TYW1: variants seen among roughly 807,000 people sequenced by gnomAD.
TYW1 encodes the protein tRNA-yW synthesizing protein 1 homolog, also known as S-adenosyl-L-methionine-dependent tRNA 4-demethylwyosine synthase TYW1.
TYW1 carries 46 observed loss-of-function variants against 96.2 expected under a neutral mutation model. The ratio of observed to expected loss-of-function variants is 0.48; its 90% CI spans 0.38 to 0.61. TYW1 has a LOEUF of 0.61. Ranked by LOEUF, TYW1 falls within the 20% of genes least tolerant of loss-of-function variation. The pLI is 0.00. For missense variants in TYW1, 684 were observed against 909.6 expected, an observed-to-expected ratio of 0.75 and a Z score of 3.19; for synonymous variants, 274 against 323.0, an observed-to-expected ratio of 0.85 and a Z score of 1.63.
At chr7:67,123,270 C>A (rs1797816616) in intron 13 of TYW1, among the ~76,000 whole-genome samples, 1 of 152,102 alleles carries the variant, frequency 6.6e-6, no homozygotes, top group Non-Finnish European at 1.5e-5. Context: ...AGGCATAGAT[C>A]CCCCAGGGCT....
At chr7:67,175,135 T>C (rs993376431) in intron 13 of TYW1, among the ~76,000 whole-genome samples, 8 of 151,928 alleles carry the variant, frequency 5.3e-5, no homozygotes, top group Non-Finnish European at 8.8e-5. Context: ...CAGAGAGGAA[T>C]AGTAGCACTT....
At chr7:67,219,528 G>T (rs903140949) in intron 15 of TYW1, among the ~76,000 whole-genome samples, 1 of 152,132 alleles carries the variant, frequency 6.6e-6, no homozygotes, top group Non-Finnish European at 1.5e-5. Context: ...GCTATTCTTC[G>T]TAGGGAGATC....
At chr7:67,154,066 G>C (rs530793996) in intron 13 of TYW1, among the ~76,000 whole-genome samples, 1 of 152,036 alleles carries the variant, frequency 6.6e-6, no homozygotes, top group African/African-American at 2.4e-5. Flanking sequence ...GACTACAGGT[G>C]CCTGCCACCA....
In TYW1 at chr7:67,239,269, C is replaced by T. The variant is rs2116464069; in HGVS notation, c.*740C>T. 1.0e-6 allele frequency: 1 copy of T among 985,438 alleles called. No homozygotes were observed. Among genetic ancestry groups the T allele is most frequent in the Non-Finnish European group, 1.2e-6 (1 of 829,956 alleles). 61.0% of individuals were successfully genotyped at this position (985,438 alleles called of 1,614,324 possible). A position where few individuals can be genotyped will look rare whatever the true frequency, so the allele number is the denominator to read the frequency against. On this transcript the variant is annotated 3_prime_UTR_variant, in exon 16 of 16. Transcript: ENST00000359626. Reference sequence around the variant, plus strand: ...ATTAGTCTCACAAACACACTTTGGACTGAAGAGGATCATTTCTTTTTGTTC... The same window carrying T: ...ATTAGTCTCACAAACACACTTTGGATTGAAGAGGATCATTTCTTTTTGTTC...
At chr7:67,119,555 G>C (rs927840595) in intron 13 of TYW1, among the ~76,000 whole-genome samples, 2 of 152,052 alleles carry the variant, frequency 1.3e-5, no homozygotes, top group African/African-American at 4.8e-5. Flanking sequence ...TCCATTCTTT[G>C]ACTTGTAGAA....
intron 13 of TYW1, among the ~76,000 whole-genome samples, chr7:67,123,726 G>A (rs528016993): frequency 3.3e-5 from 5 of 152,332 alleles, no homozygotes; most frequent in African/African-American, 1.2e-4. Flanking sequence ...TCAACGTGAA[G>A]CACATAGAGA....
chr7:67,075,817 A>G (rs1348339090), intron 10 of TYW1, among the ~76,000 whole-genome samples: 6 of 152,232 alleles, frequency 3.9e-5, no homozygotes, highest in Admixed American at 3.9e-4. Context: ...GGATGCATGT[A>G]AAAAGTGAAG....
chr7:67,222,545 A>G (rs1421329016), intron 15 of TYW1, among the ~76,000 whole-genome samples: 2 of 152,154 alleles, frequency 1.3e-5, no homozygotes, highest in African/African-American at 2.4e-5. Context: ...GAAATCTTCT[A>G]TGACCTTATT....
intron 13 of TYW1, among the ~76,000 whole-genome samples, chr7:67,138,985 GT>G (rs1221600673): frequency 6.6e-6 from 1 of 151,900 alleles, no homozygotes; most frequent in Non-Finnish European, 1.5e-5. Flanking sequence ...TCTGAAAAGA[GT>G]TTTGATACAA....
At chr7:67,212,776 C>T (rs1383178666) in intron 15 of TYW1, among the ~76,000 whole-genome samples, 1 of 152,084 alleles carries the variant, frequency 6.6e-6, no homozygotes, top group Non-Finnish European at 1.5e-5. Context: ...TGATGAGCAT[C>T]TTTTCATATG....
chr7:67,025,452 A>C (rs187967043), intron 7 of TYW1, among the ~76,000 whole-genome samples: 172 of 152,272 alleles, frequency 1.1e-3, no homozygotes, highest in Non-Finnish European at 1.7e-3. Context: ...TGGGTTGGAC[A>C]AGCTTGTTGT....
intron 7 of TYW1, among the ~76,000 whole-genome samples, chr7:67,032,358 C>T (rs1231541399): frequency 6.6e-6 from 1 of 152,136 alleles, no homozygotes; most frequent in Non-Finnish European, 1.5e-5. Flanking sequence ...CTGAATTGCA[C>T]ATGTAATCCC....
At chr7:67,179,882 G>T (rs1322419992) in intron 13 of TYW1, among the ~76,000 whole-genome samples, 1 of 80,870 alleles carries the variant, frequency 1.2e-5, no homozygotes, top group Non-Finnish European at 2.5e-5. Context: ...TTTTTTGGCG[G>T]GGGACAGGGT....
chr7:67,076,073 G>A (rs1034257424), intron 10 of TYW1, among the ~76,000 whole-genome samples: 15 of 152,180 alleles, frequency 9.9e-5, no homozygotes, highest in Admixed American at 5.2e-4. Flanking sequence ...TTATTCGGAG[G>A]TGTTTTTACC....
At chr7:67,069,842 A>G (rs573796888) in intron 10 of TYW1, among the ~76,000 whole-genome samples, 93 of 152,316 alleles carry the variant, frequency 6.1e-4, no homozygotes, top group Non-Finnish European at 3.1e-4. Context: ...TTCTTTGTAT[A>G]TTTGTATGAT....
At position 67,009,571 on chromosome 7, in the gene TYW1, TG is replaced by T; in HGVS notation, c.274-10del. On this transcript the variant is annotated splice_polypyrimidine_tract_variant and intron_variant, in intron 3 of 15. Transcript: ENST00000359626. ...TGAAGACTTTATTTGATGTTTTTTT[TG>T]GTCCTATTAGGGATTCGCAACAGTT... 1 of 1,607,416 alleles carries T rather than the reference TG, an allele frequency of 6.2e-7. No individual in the cohort carries two copies. Among genetic ancestry groups the T allele is most frequent in the Admixed American group, 1.7e-5 (1 of 58,284 alleles).
intron 13 of TYW1, among the ~76,000 whole-genome samples, chr7:67,173,760 G>A (rs1456649832): frequency 6.8e-6 from 1 of 148,056 alleles, no homozygotes; most frequent in Non-Finnish European, 1.5e-5. Context: ...TATGATGTTA[G>A]CTGTAGGTTT....
At chr7:67,082,555 G>A (rs1024177015) in intron 10 of TYW1, among the ~76,000 whole-genome samples, 13 of 152,122 alleles carry the variant, frequency 8.5e-5, no homozygotes, top group African/African-American at 3.1e-4. Context: ...GCTTATGGGG[G>A]TAGTGTCTTC....
intron 13 of TYW1, among the ~76,000 whole-genome samples, chr7:67,134,759 C>A (rs1246536607): frequency 6.9e-6 from 1 of 145,676 alleles, no homozygotes; most frequent in Non-Finnish European, 1.5e-5. Flanking sequence ...AATCAGGAGA[C>A]AAATGTTCCA....
Sources: gnomAD v4.1 joint callset for allele counts (sites outside exome capture counted in the v4.1 genomes callset) on GRCh38, gnomAD v4.1.1 for gene constraint, MANE v1.5 for transcripts, NCBI Gene and HGNC (gene_info 2026-07-23, HGNC 2026-07-21) for gene names.